The following DRC8 variants were observed in gnomAD, a reference collection of about 807,000 sequenced individuals.
The protein encoded by DRC8 is dynein regulatory complex protein 8.
At chr1:245,077,469 A>G in the DRC8 span, among the ~76,000 whole-genome samples, 1 of 152,228 alleles carries the variant, frequency 6.6e-6, no homozygotes, top group Non-Finnish European at 1.5e-5. Context: ...ATGAAATTAC[A>G]AATTATGTTA....
chr1:245,060,667 GT>G, the DRC8 span, among the ~76,000 whole-genome samples: 1 of 152,342 alleles, frequency 6.6e-6, no homozygotes, highest in African/African-American at 2.4e-5. Flanking sequence ...CAAGCTGGAA[GT>G]GTGGAAGAGG....
At chr1:245,115,444 G>A in the DRC8 span, among the ~76,000 whole-genome samples, 2 of 152,218 alleles carry the variant, frequency 1.3e-5, no homozygotes, top group African/African-American at 4.8e-5. Flanking sequence ...GTCCCTTCTG[G>A]GAAGGTGCAC....
At chr1:245,004,737 C>T in the DRC8 span, among the ~76,000 whole-genome samples, 1 of 152,174 alleles carries the variant, frequency 6.6e-6, no homozygotes, top group Non-Finnish European at 1.5e-5. Context: ...ATTCTAAGGG[C>T]ACGCAGAATA....
the DRC8 span, among the ~76,000 whole-genome samples, chr1:245,073,433 G>C: frequency 1.2e-4 from 18 of 152,112 alleles, no homozygotes; most frequent in Admixed American, 1.2e-3. Context: ...ACTGCGCCCG[G>C]CCAGCTTCAT....
chr1:245,016,844 A>G, the DRC8 span, among the ~76,000 whole-genome samples: 1 of 152,178 alleles, frequency 6.6e-6, no homozygotes, highest in Non-Finnish European at 1.5e-5. Flanking sequence ...TGATAAGCAA[A>G]CAGTATCTGT....
At chr1:245,084,320 G>T in the DRC8 span, among the ~76,000 whole-genome samples, 1 of 152,002 alleles carries the variant, frequency 6.6e-6, no homozygotes, top group East Asian at 1.9e-4. Flanking sequence ...GACCTCAGGT[G>T]ATCCACCCAT....
At chr1:245,022,637 G>C in the DRC8 span, among the ~76,000 whole-genome samples, 477 of 152,098 alleles carry the variant, frequency 3.1e-3, 2 homozygotes, top group African/African-American at 0.011. Context: ...CTTTCTAAAG[G>C]CAAAGTTTGT....
At chr1:245,017,433 C>T in the DRC8 span, 25 of 1,128,748 alleles carry the variant, frequency 2.2e-5, no homozygotes, top group East Asian at 6.2e-4. Flanking sequence ...ATTTATTATG[C>T]TCTTTTAAGT....
At chr1:245,081,269 C>T in the DRC8 span, among the ~76,000 whole-genome samples, 1 of 151,834 alleles carries the variant, frequency 6.6e-6, no homozygotes, top group African/African-American at 2.4e-5. Context: ...TCACGTGATT[C>T]TCCTGCCTCA....
the DRC8 span, chr1:244,970,315 G>T: frequency 8.7e-7 from 1 of 1,145,084 alleles, no homozygotes; most frequent in Non-Finnish European, 1.2e-6. Context: ...GATTCAGAGC[G>T]GCCCCTCCTC....
chr1:245,093,828 A>G, the DRC8 span, among the ~76,000 whole-genome samples: 4 of 152,200 alleles, frequency 2.6e-5, no homozygotes, highest in African/African-American at 9.7e-5. Flanking sequence ...CCATGGTTTT[A>G]TATGTGTGGC....
chr1:244,986,400 T>C, the DRC8 span, among the ~76,000 whole-genome samples: 1 of 152,118 alleles, frequency 6.6e-6, no homozygotes, highest in African/African-American at 2.4e-5. Flanking sequence ...CGAGGCTCCA[T>C]TGTGGCTGGA....
At chr1:245,072,390 C>T in the DRC8 span, among the ~76,000 whole-genome samples, 1 of 152,144 alleles carries the variant, frequency 6.6e-6, no homozygotes, top group Non-Finnish European at 1.5e-5. Context: ...CAGGCACATG[C>T]CATGCCCAGC....
chr1:245,088,997 T>G, the DRC8 span, among the ~76,000 whole-genome samples: 3 of 152,154 alleles, frequency 2.0e-5, no homozygotes, highest in Non-Finnish European at 2.9e-5. The surrounding 1 kb of genome is among the most constrained non-coding windows in gnomAD (Gnocchi z 4.6). Context: ...GAGTTTGGAC[T>G]TTATTCTGAA....
At chr1:244,970,493 C>G in the DRC8 span, 12 of 1,518,758 alleles carry the variant, frequency 7.9e-6, no homozygotes, top group Middle Eastern at 4.6e-4. Flanking sequence ...CGCCGCGACC[C>G]CGGGCTGCAC....
chr1:244,987,936 A>G, the DRC8 span, among the ~76,000 whole-genome samples: 1 of 152,112 alleles, frequency 6.6e-6, no homozygotes, highest in Non-Finnish European at 1.5e-5. Flanking sequence ...CTTCTCTTAT[A>G]TCCTTAGGTG....
At chr1:244,975,024 A>G in the DRC8 span, among the ~76,000 whole-genome samples, 5,228 of 151,534 alleles carry the variant, frequency 0.035, 312 homozygotes, top group African/African-American at 0.12. Context: ...TCTGCCTCCC[A>G]GGTTCACACC....
At chr1:245,058,661 C>A in the DRC8 span, among the ~76,000 whole-genome samples, 1 of 152,114 alleles carries the variant, frequency 6.6e-6, no homozygotes, top group Non-Finnish European at 1.5e-5. Flanking sequence ...ATTACACATC[C>A]CTGTCTTAAT....
At chr1:245,063,268 C>T in the DRC8 span, among the ~76,000 whole-genome samples, 1 of 152,124 alleles carries the variant, frequency 6.6e-6, no homozygotes, top group African/African-American at 2.4e-5. Flanking sequence ...GGTGCCCCAT[C>T]TCCTAGGGTC....
Sources: allele counts gnomAD v4.1 joint callset (sites outside exome capture counted in the v4.1 genomes callset), GRCh38; gene constraint gnomAD v4.1.1; non-coding constraint Gnocchi (gnomAD v3.1); transcripts MANE v1.5; gene names NCBI Gene and HGNC (gene_info 2026-07-23, HGNC 2026-07-21).